Variants in LARP1 observed in about 807,000 individuals in gnomAD.
LARP1 encodes la-related protein 1.
A neutral mutation model predicts 122.7 loss-of-function variants in LARP1; 36 were observed. The ratio of observed to expected loss-of-function variants is 0.29; its 90% CI spans 0.22 to 0.39. LARP1 has a LOEUF of 0.39. LARP1 is among the 10% of genes least tolerant of loss of function. The pLI, the probability that LARP1 is intolerant of heterozygous loss-of-function variation, is 1.00. For synonymous variants in LARP1, 539 were observed against 528.7 expected, an observed-to-expected ratio of 1.02 and a Z score of -0.27; for missense variants, 1,040 against 1,403.6, an observed-to-expected ratio of 0.74 and a Z score of 4.14.
intron 1 of LARP1, among the ~76,000 whole-genome samples, chr5:154,778,077 C>T (rs1047983708): frequency 5.3e-5 from 8 of 151,866 alleles, no homozygotes; most frequent in African/African-American, 1.7e-4. Context: ...CTGGCTAACA[C>T]GGTGAAACCC....
chr5:154,747,005 C>T (rs2113490052), intron 1 of LARP1, among the ~76,000 whole-genome samples: 1 of 152,098 alleles, frequency 6.6e-6, no homozygotes, highest in Non-Finnish European at 1.5e-5. Context: ...CATTTGGGCA[C>T]CTGTAATCTC....
intron 1 of LARP1, among the ~76,000 whole-genome samples, chr5:154,766,071 G>A (rs6867589): frequency 0.028 from 4,316 of 152,264 alleles, 222 homozygotes; most frequent in African/African-American, 0.098. Context: ...GCAGTCACCT[G>A]AGAAGAAGCC....
Position 154,813,035 on chromosome 5 carries a change from T to G in LARP1, c.3082-852T>G, listed in dbSNP as rs550801343. On this transcript the variant is annotated intron_variant, in intron 18 of 18. Coordinates refer to ENST00000518297, the MANE Select transcript of LARP1 (RefSeq NM_033551.3). Reference sequence around the variant, plus strand: ...AAAACTGCCATTTATTAAGTGTTTATTATGTGCCAGGTACTTTACATTGAC... The same window carrying G: ...AAAACTGCCATTTATTAAGTGTTTAGTATGTGCCAGGTACTTTACATTGAC... Among the ~76,000 whole-genome samples, 99 of 152,294 alleles carry G rather than the reference T, an allele frequency of 6.5e-4. 1 individual carries two copies. The highest frequency in any genetic ancestry group is 2.3e-3 in the African/African-American group (97 of 41,554).
At chr5:154,805,031 T>TA in intron 14 of LARP1, 2 of 396,692 alleles carry the variant, frequency 5.0e-6, no homozygotes, top group Non-Finnish European at 1.0e-5. Flanking sequence ...ATATAGTCAA[T>TA]TAGCACATGT....
intron 1 of LARP1, among the ~76,000 whole-genome samples, chr5:154,780,318 G>C (rs1174650189): frequency 2.0e-5 from 3 of 152,216 alleles, no homozygotes; most frequent in African/African-American, 7.2e-5. Context: ...GCCCCTCTCA[G>C]AGCCACTTCA....
chr5:154,811,876 G>T (rs1265371456), intron 18 of LARP1, among the ~76,000 whole-genome samples: 1 of 152,148 alleles, frequency 6.6e-6, no homozygotes, highest in Non-Finnish European at 1.5e-5. Context: ...CCATCATAAT[G>T]CTCTTTCTCT....
In LARP1 at chr5:154,794,062, G is replaced by A. The variant is rs369454312; in HGVS notation, c.1070-38G>A. On this transcript the variant is annotated intron_variant, in intron 6 of 18. Coordinates refer to ENST00000518297, the MANE Select transcript of LARP1 (RefSeq NM_033551.3). ...GGTGTGCAGCAGGGGTGGTGGGCAG[G>A]AATCTCCTCTCCCTCATGGCACCCG... 3 of 1,612,198 alleles carry A rather than the reference G, an allele frequency of 1.9e-6. No individual in the cohort carries two copies. In the African/African-American group the frequency reaches 4.0e-5, roughly 22 times the overall value.
intron 4 of LARP1, 86 bp from the exon 5 acceptor site, chr5:154,793,509 C>G: frequency 6.4e-7 from 1 of 1,553,702 alleles, no homozygotes; most frequent in Non-Finnish European, 8.8e-7. Context: ...GGCCCAAGTC[C>G]AGGGCAGAAG....
intron 1 of LARP1, among the ~76,000 whole-genome samples, chr5:154,777,155 A>G (rs1422819256): frequency 6.6e-6 from 1 of 152,180 alleles, no homozygotes; most frequent in Non-Finnish European, 1.5e-5. Flanking sequence ...CCTATACTGA[A>G]TACTGTAGGA....
At chr5:154,710,309 A>G (rs1338085592), upstream of LARP1, among the ~76,000 whole-genome samples, 1 of 152,160 alleles carries the variant, frequency 6.6e-6, no homozygotes, top group East Asian at 1.9e-4. Context: ...AGATCGGCTA[A>G]ATAAAAAATT....
chr5:154,742,551 G>A (rs111466457), intron 1 of LARP1, among the ~76,000 whole-genome samples: 10,770 of 151,756 alleles, frequency 0.071, 439 homozygotes, highest in Middle Eastern at 0.1. Flanking sequence ...GGAAGACCCT[G>A]TCTCAAAAAA....
chr5:154,805,551 C>T (rs1758706516), intron 14 of LARP1, among the ~76,000 whole-genome samples: 1 of 152,196 alleles, frequency 6.6e-6, no homozygotes, highest in East Asian at 1.9e-4. Flanking sequence ...CCCATGATGG[C>T]TCATTAAAAG....
intron 15 of LARP1, among the ~76,000 whole-genome samples, chr5:154,807,899 G>A (rs1220268160): frequency 6.6e-6 from 1 of 152,118 alleles, no homozygotes; most frequent in East Asian, 1.9e-4. Flanking sequence ...TTAAGTTGTA[G>A]GAATTCCTTT....
intron 1 of LARP1, chr5:154,718,247 A>T (rs1755635025): frequency 6.6e-6 from 1 of 152,230 alleles, no homozygotes. Context: ...AGGTCTCTGC[A>T]TCTAACTAGT....
At chr5:154,719,068 T>C (rs1755694148) in intron 1 of LARP1, among the ~76,000 whole-genome samples, 1 of 152,148 alleles carries the variant, frequency 6.6e-6, no homozygotes, top group Non-Finnish European at 1.5e-5. Flanking sequence ...GGAAGGGCAA[T>C]GACTGAAGCA....
chr5:154,745,239 A>G (rs1048918927), intron 1 of LARP1, among the ~76,000 whole-genome samples: 1 of 152,116 alleles, frequency 6.6e-6, no homozygotes, highest in African/African-American at 2.4e-5. Flanking sequence ...TGGATATGCA[A>G]TCTTTAGAAG....
At chr5:154,693,656 C>G (rs1031167661) in intron 1 of LARP1, among the ~76,000 whole-genome samples, 1 of 151,988 alleles carries the variant, frequency 6.6e-6, no homozygotes, top group South Asian at 2.1e-4. Context: ...GAGATCAAGA[C>G]CATCCTGGCT....
intron 1 of LARP1, among the ~76,000 whole-genome samples, chr5:154,739,172 C>A (rs1487136288): frequency 6.6e-6 from 1 of 151,770 alleles, no homozygotes; most frequent in Non-Finnish European, 1.5e-5. Context: ...CCCGCCAACA[C>A]GCCCAGCTAA....
intron 1 of LARP1, among the ~76,000 whole-genome samples, chr5:154,740,755 G>A (rs1038001259): frequency 3.3e-5 from 5 of 152,236 alleles, no homozygotes; most frequent in African/African-American, 1.2e-4. Flanking sequence ...GAAAGGCACT[G>A]AGGGCCCCTA....
Sources: gnomAD v4.1 joint callset for allele counts (sites outside exome capture counted in the v4.1 genomes callset) on GRCh38, gnomAD v4.1.1 for gene constraint, MANE v1.5 for transcripts, NCBI Gene and HGNC (gene_info 2026-07-23, HGNC 2026-07-21) for gene names.